Variants in CFAP210 observed in about 807,000 individuals in gnomAD.
CFAP210 encodes the protein cilia- and flagella- associated protein 210.
the CFAP210 span, among the ~76,000 whole-genome samples, chr2:169,656,964 C>CAAA: frequency 0.12 from 4,956 of 39,744 alleles, 834 homozygotes; most frequent in African/African-American, 0.31. Flanking sequence ...GACTCCATCT[C>CAAA]AAAAAAAAAA....
chr2:169,693,311 C>G, the CFAP210 span, among the ~76,000 whole-genome samples: 1 of 152,158 alleles, frequency 6.6e-6, no homozygotes, highest in African/African-American at 2.4e-5. Context: ...AAATCTAAAC[C>G]AGGTAGTGCA....
the CFAP210 span, chr2:169,662,364 T>A: frequency 6.2e-7 from 1 of 1,606,612 alleles, no homozygotes. Flanking sequence ...ATGCATTCTG[T>A]CGCTTTATTT....
the CFAP210 span, among the ~76,000 whole-genome samples, chr2:169,654,413 T>C: frequency 6.6e-6 from 1 of 152,116 alleles, no homozygotes; most frequent in Admixed American, 6.5e-5. Flanking sequence ...TTATTTATAA[T>C]AGCAAAAAAA....
chr2:169,683,369 G>A, the CFAP210 span, among the ~76,000 whole-genome samples: 4 of 152,192 alleles, frequency 2.6e-5, no homozygotes, highest in Non-Finnish European at 5.9e-5. Context: ...TCAGAACACT[G>A]TTCTACTTAA....
the CFAP210 span, among the ~76,000 whole-genome samples, chr2:169,684,839 A>G: frequency 6.6e-6 from 1 of 152,250 alleles, no homozygotes; most frequent in South Asian, 2.1e-4. Context: ...TATTTTTAGT[A>G]GACATGGAGT....
At chr2:169,653,029 A>AAAAAAAAAAAAAAAT in the CFAP210 span, among the ~76,000 whole-genome samples, 1 of 39,954 alleles carries the variant, frequency 2.5e-5, no homozygotes, top group Non-Finnish European at 4.0e-5. Flanking sequence ...AAAAAAAAAA[A>AAAAAAAAAAAAAAAT]ATATATATAT....
chr2:169,660,609 T>A, the CFAP210 span, among the ~76,000 whole-genome samples: 2,164 of 148,678 alleles, frequency 0.015, 25 homozygotes, highest in Middle Eastern at 0.021. Context: ...TATATATTTT[T>A]TTTTTTTTCT....
At chr2:169,672,730 T>C in the CFAP210 span, among the ~76,000 whole-genome samples, 1 of 152,158 alleles carries the variant, frequency 6.6e-6, no homozygotes, top group East Asian at 1.9e-4. Flanking sequence ...GCCGACTGGA[T>C]GGTGCCCACC....
the CFAP210 span, among the ~76,000 whole-genome samples, chr2:169,667,691 C>T: frequency 6.6e-6 from 1 of 151,978 alleles, no homozygotes; most frequent in Non-Finnish European, 1.5e-5. Flanking sequence ...TGCTCATTGA[C>T]AATGACCAGG....
chr2:169,672,523 G>C, the CFAP210 span, among the ~76,000 whole-genome samples: 10 of 152,274 alleles, frequency 6.6e-5, 1 homozygote, highest in South Asian at 2.1e-3. Context: ...TTCAGTCTGT[G>C]GCCAAAGGCC....
At chr2:169,661,356 C>T in the CFAP210 span, 1 of 418,886 alleles carries the variant, frequency 2.4e-6, no homozygotes, top group South Asian at 1.9e-5. Context: ...TGGGCATTTT[C>T]AGGCACTGCT....
the CFAP210 span, among the ~76,000 whole-genome samples, chr2:169,678,672 A>T: frequency 6.6e-6 from 1 of 151,998 alleles, no homozygotes; most frequent in Admixed American, 6.5e-5. Flanking sequence ...TAAAAATACA[A>T]AAATTAGCCG....
chr2:169,678,414 G>T, the CFAP210 span, among the ~76,000 whole-genome samples: 1 of 151,338 alleles, frequency 6.6e-6, no homozygotes. Context: ...ATATGTTCAT[G>T]GTTCAGAAGA....
the CFAP210 span, among the ~76,000 whole-genome samples, chr2:169,670,829 A>G: frequency 6.6e-6 from 1 of 152,188 alleles, no homozygotes; most frequent in African/African-American, 2.4e-5. Flanking sequence ...TTTCTGACAC[A>G]TTCTATTTCT....
the CFAP210 span, chr2:169,674,605 C>G: frequency 6.2e-7 from 1 of 1,606,664 alleles, no homozygotes; most frequent in Non-Finnish European, 8.5e-7. Flanking sequence ...CAAGAGCCAC[C>G]CTTTCTCTGT....
At chr2:169,677,904 T>C in the CFAP210 span, among the ~76,000 whole-genome samples, 1 of 152,230 alleles carries the variant, frequency 6.6e-6, no homozygotes, top group African/African-American at 2.4e-5. Context: ...AAATTTACTG[T>C]ATTTCTAAAG....
the CFAP210 span, among the ~76,000 whole-genome samples, chr2:169,653,134 A>G: frequency 1.4e-5 from 2 of 144,220 alleles, no homozygotes; most frequent in East Asian, 4.1e-4. Context: ...GGGCGAGGAA[A>G]GCAGGTAAAG....
the CFAP210 span, among the ~76,000 whole-genome samples, chr2:169,666,659 T>C: frequency 1.3e-5 from 2 of 151,954 alleles, no homozygotes; most frequent in Admixed American, 1.3e-4. Context: ...AATAAGACAA[T>C]GAAGTTTGCC....
chr2:169,655,903 C>T, the CFAP210 span, among the ~76,000 whole-genome samples: 30 of 152,190 alleles, frequency 2.0e-4, no homozygotes, highest in African/African-American at 6.7e-4. Context: ...AAAAAGAAAA[C>T]GGCAGAAACA....
Sources: allele counts gnomAD v4.1 joint callset (sites outside exome capture counted in the v4.1 genomes callset), GRCh38; gene constraint gnomAD v4.1.1; transcripts MANE v1.5; gene names NCBI Gene and HGNC (gene_info 2026-07-23, HGNC 2026-07-21).